Variants in ACSF3 observed in about 807,000 individuals in gnomAD.
The protein encoded by ACSF3 is malonate--CoA ligase ACSF3, mitochondrial.
ACSF3 carries 78 observed loss-of-function variants against 53.2 expected under a neutral mutation model. The ratio of observed to expected loss-of-function variants is 1.47; its 90% CI spans 1.22 to 1.77. The LOEUF (loss-of-function observed/expected upper bound fraction) is 1.77. Ranked by LOEUF, ACSF3 falls within the 40% of genes most tolerant of loss-of-function variation. The pLI is 0.00. For missense variants in ACSF3, 937 were observed against 771.1 expected (o/e 1.22, Z -2.55); for synonymous variants, 414 against 333.1 (o/e 1.24, Z -2.65).
intron 8 of ACSF3, among the ~76,000 whole-genome samples, chr16:89,134,428 G>A (rs780742595): frequency 2.6e-5 from 4 of 152,186 alleles, no homozygotes; most frequent in African/African-American, 9.7e-5. Context: ...TGGGTGCCTC[G>A]CTGGATCAGG....
At position 89,154,731 on chromosome 16, in the gene ACSF3, T is replaced by A. The variant is rs774207125; in HGVS notation, c.*524T>A. On this transcript the variant is annotated 3_prime_UTR_variant, in exon 11 of 11. Transcript: ENST00000614302. ...CACAAGCCTCCCAGAACCAGCCCTG[T>A]CCCATGGGTTCCGTGCATTTCCTGG... The A allele has an allele frequency of 1.5e-5, 7 of 454,028 alleles. No homozygotes were observed. The highest frequency in any genetic ancestry group is 2.2e-5 in the Non-Finnish European group (5 of 226,826). The allele number at this position is 454,028 out of a possible 1,614,324, so 28.1% of individuals were successfully genotyped here.
intron 4 of ACSF3, among the ~76,000 whole-genome samples, chr16:89,105,104 CT>C (rs1368835596): frequency 2.0e-5 from 3 of 151,582 alleles, no homozygotes; most frequent in Non-Finnish European, 4.4e-5. Flanking sequence ...GGGTCACCCC[CT>C]GAAGAGCCTC....
At chr16:89,103,624 C>T (rs532873985) in intron 4 of ACSF3, among the ~76,000 whole-genome samples, 13 of 152,310 alleles carry the variant, frequency 8.5e-5, no homozygotes, top group South Asian at 8.3e-4. Flanking sequence ...GGGTGTAGGG[C>T]GTAGGGCGTG....
chr16:89,145,015 C>A, intron 8 of ACSF3: 1 of 966,368 alleles, frequency 1.0e-6, no homozygotes, highest in Non-Finnish European at 1.5e-6. Flanking sequence ...GGGGAAGGGA[C>A]CCCACAGGAA....
chr16:89,114,538 C>T (rs1277980501), intron 6 of ACSF3, 51 bp downstream of exon 6: 1 of 1,602,612 alleles, frequency 6.2e-7, no homozygotes, highest in East Asian at 2.2e-5. Flanking sequence ...CTCTGAGCCC[C>T]CCAAGGTGGG....
At position 89,114,433 on chromosome 16, in the gene ACSF3, A is replaced by T. The variant is rs1315727791; in HGVS notation, c.1072A>T (p.Thr358Ser). The change falls in exon 6 of 11, where the codon ACC becomes TCC. Residue 358 changes from threonine (T) to serine (S), a missense_variant. By Grantham distance (58) the Thr-to-Ser change is moderately conservative. Coordinates refer to ENST00000614302, the MANE Select transcript of ACSF3 (RefSeq NM_001243279.3). Reference sequence around the variant, plus strand: ...CACCCTGCTGGAGCGGTATGGCATGACCGAGATCGGCATGGCTCTGTCCGG... The same window carrying T: ...CACCCTGCTGGAGCGGTATGGCATGTCCGAGATCGGCATGGCTCTGTCCGG... ...GHTLLERYGM[T>S]EIGMALSGPL... The T allele has an allele frequency of 1.2e-6, 2 of 1,613,606 alleles. No homozygotes were observed. The highest frequency in any genetic ancestry group is 2.2e-5 in the South Asian group (2 of 91,074).
At chr16:89,135,503 G>T (rs903079216) in intron 8 of ACSF3, among the ~76,000 whole-genome samples, 1 of 152,254 alleles carries the variant, frequency 6.6e-6, no homozygotes, top group Non-Finnish European at 1.5e-5. Context: ...AGGCACCTTC[G>T]TGGGCTGGAC....
chr16:89,097,104 G>C (rs960287559), intron 1 of ACSF3, among the ~76,000 whole-genome samples: 3 of 152,236 alleles, frequency 2.0e-5, no homozygotes, highest in African/African-American at 7.2e-5. Flanking sequence ...TCAGGAATTT[G>C]TAGAAATGCC....
chr16:89,132,797 G>A lies in ACSF3; in HGVS notation c.1240-339G>A, dbSNP rs12927059. Among the ~76,000 whole-genome samples the A allele has an allele frequency of 0.036, 5,484 of 152,380 alleles. 145 individuals carry two copies. The highest frequency in any genetic ancestry group is 0.057 in the Non-Finnish European group (3,847 of 68,032). ...GACAGGCTGCCTGAATCCAGCCCAG[G>A]CTCTGAGTGCTGAGGCCTGGGCCGG... On this transcript the variant is annotated intron_variant, in intron 7 of 10. Transcript: ENST00000614302.
rs766764090 is a variant in ACSF3, at chr16:89,133,196, C to A, written c.1300C>A (p.Arg434=). ...GCTGGTGAGGGGACCCTCCGTGTTT[C>A]GAGAATACTGGAATAAACCAGAAGA... The part of the protein sequence containing the change: ...ELLVRGPSVF[R]EYWNKPEETK... Residue 434 remains arginine (R), a synonymous_variant, in exon 8 of 11, where the codon CGA becomes AGA. Coordinates refer to ENST00000614302, the MANE Select transcript of ACSF3 (RefSeq NM_001243279.3). The A allele has an allele frequency of 6.2e-7, 1 of 1,614,040 alleles. No individual in the cohort carries two copies. Among genetic ancestry groups the A allele is most frequent in the Middle Eastern group, 1.7e-4 (1 of 6,048 alleles).
chr16:89,118,803 G>C (rs1303927801), intron 6 of ACSF3, among the ~76,000 whole-genome samples: 1 of 152,180 alleles, frequency 6.6e-6, no homozygotes, highest in African/African-American at 2.4e-5. Context: ...CCCAGTCAGA[G>C]TTATCAGGGA....
At chr16:89,118,280 G>C (rs1202980835) in intron 6 of ACSF3, among the ~76,000 whole-genome samples, 2 of 152,270 alleles carry the variant, frequency 1.3e-5, no homozygotes, top group Non-Finnish European at 2.9e-5. Context: ...TCAAATATCT[G>C]TGATTTTATC....
At chr16:89,133,982 C>T (rs1909885160) in intron 8 of ACSF3, among the ~76,000 whole-genome samples, 1 of 152,246 alleles carries the variant, frequency 6.6e-6, no homozygotes, top group Non-Finnish European at 1.5e-5. Context: ...GACCCCCCTC[C>T]TTTGTGAGAA....
chr16:89,137,640 A>G (rs559181382), intron 8 of ACSF3, among the ~76,000 whole-genome samples: 126 of 145,202 alleles, frequency 8.7e-4, no homozygotes, highest in South Asian at 3.6e-3. Context: ...CCAGGAGCTC[A>G]CGGGGAAGGA....
intron 6 of ACSF3, among the ~76,000 whole-genome samples, chr16:89,117,563 G>C (rs938176647): frequency 6.6e-6 from 1 of 151,606 alleles, no homozygotes; most frequent in Non-Finnish European, 1.5e-5. Context: ...TCTACACCGA[G>C]GATGTCAGGA....
At chr16:89,125,305 T>A (rs1450753277) in intron 7 of ACSF3, among the ~76,000 whole-genome samples, 1 of 147,946 alleles carries the variant, frequency 6.8e-6, no homozygotes, top group Non-Finnish European at 1.5e-5. Context: ...ATCACGCCAC[T>A]GCACTCCAGC....
intron 6 of ACSF3, 68 bp from the exon 7 acceptor site, chr16:89,120,731 CAG>C: frequency 6.9e-7 from 1 of 1,450,296 alleles, no homozygotes; most frequent in South Asian, 1.1e-5. Flanking sequence ...GATCCGAGCT[CAG>C]TGTGTGCTTC....
intron 3 of ACSF3, chr16:89,102,203 G>A (rs1228026981): frequency 3.0e-6 from 1 of 333,366 alleles, no homozygotes; most frequent in Non-Finnish European, 5.9e-6. Context: ...AATCGGCAGA[G>A]CTCTGTGTGG....
chr16:89,150,841 T>G (rs936670307), intron 10 of ACSF3: 29 of 523,214 alleles, frequency 5.5e-5, no homozygotes, highest in Non-Finnish European at 7.9e-5. Flanking sequence ...TGTGCCCGGC[T>G]CAGGCTGAGA....
Sources: gnomAD v4.1 joint callset for allele counts (sites outside exome capture counted in the v4.1 genomes callset) on GRCh38, gnomAD v4.1.1 for gene constraint, MANE v1.5 for transcripts, NCBI Gene and HGNC (gene_info 2026-07-23, HGNC 2026-07-21) for gene names.